The following PCDHGA2 variants were observed in gnomAD, a reference collection of about 807,000 sequenced individuals.
PCDHGA2 encodes protocadherin gamma subfamily A, 2, also known as protocadherin gamma-A2.
PCDHGA2 carries 40 observed loss-of-function variants against 59.2 expected under a neutral mutation model. The observed-to-expected ratio is 0.68, with a 90% CI of 0.52 to 0.88. The LOEUF is 0.88. PCDHGA2 is among the 40% of genes least tolerant of loss of function. The pLI is 0.00. For missense variants in PCDHGA2, 1,226 were observed against 1,204.0 expected (o/e 1.02, Z -0.27); for synonymous variants, 560 against 526.0 (o/e 1.06, Z -0.89).
At chr5:141,345,323 G>C (rs769057975) in intron 1 of PCDHGA2, 3 of 1,613,902 alleles carry the variant, frequency 1.9e-6, no homozygotes, top group East Asian at 2.2e-5. Context: ...GGGGAAGCCC[G>C]CCACTGTCCA....
intron 2 of PCDHGA2, among the ~76,000 whole-genome samples, chr5:141,503,010 A>ATT (rs199924715): frequency 4.8e-5 from 7 of 146,772 alleles, no homozygotes; most frequent in East Asian, 2.0e-4. Context: ...TGCCCGGTTA[A>ATT]TTTTTTTTTT....
chr5:141,341,598 T>C (rs1757071765), intron 1 of PCDHGA2: 2 of 1,055,482 alleles, frequency 1.9e-6, no homozygotes, highest in East Asian at 5.2e-5. Context: ...CTTTGTGCAA[T>C]GAATGTAAAC....
intron 1 of PCDHGA2, chr5:141,478,305 C>A (rs775282798): frequency 1.2e-6 from 2 of 1,613,974 alleles, no homozygotes; most frequent in Non-Finnish European, 8.5e-7. Flanking sequence ...TACCGAGCCC[C>A]GGTGAGCTCA....
chr5:141,365,784 C>T, intron 1 of PCDHGA2: 2 of 1,613,912 alleles, frequency 1.2e-6, no homozygotes, highest in Non-Finnish European at 1.7e-6. Context: ...GGCGACAACG[C>T]TCGAGTCACC....
intron 1 of PCDHGA2, chr5:141,423,108 GC>G: frequency 1.2e-6 from 2 of 1,613,864 alleles, no homozygotes; most frequent in African/African-American, 2.7e-5. Flanking sequence ...CGGGCGAGGT[GC>G]GTACAGCGCG....
Position 141,487,418 on chromosome 5 carries a change from A to T in PCDHGA2, c.2425-7389A>T. ...GGAGGGGCTTCCCCCTTCCAATGGG[A>T]TCCTCCGAATCCAGCTAGGGTCAGA... On this transcript the variant is annotated intron_variant, in intron 1 of 3. Transcript: ENST00000394576. The surrounding 1 kb of genome is among the most constrained non-coding windows in gnomAD (Gnocchi z 5.0). The T allele has an allele frequency of 6.2e-7, 1 of 1,614,060 alleles. No homozygotes were observed. The highest frequency in any genetic ancestry group is 8.5e-7 in the Non-Finnish European group (1 of 1,179,998).
chr5:141,486,416 C>T lies in PCDHGA2; in HGVS notation c.2425-8391C>T, dbSNP rs2154580601. The T allele has an allele frequency of 6.2e-7, 1 of 1,614,152 alleles. No individual in the cohort carries two copies. The highest frequency in any genetic ancestry group is 8.5e-7 in the Non-Finnish European group (1 of 1,180,016). On this transcript the variant is annotated intron_variant, in intron 1 of 3. Coordinates refer to ENST00000394576, the MANE Select transcript of PCDHGA2 (RefSeq NM_018915.4). This position sits in a 1 kb window ranked among gnomAD's most constrained non-coding sequence, Gnocchi z 5.0. ...CCTGGTGACTGCTGGACCCTTGGAT[C>T]GAGAGGCCAAATCTAGCTATGACAT...
intron 1 of PCDHGA2, chr5:141,410,320 C>A (rs752279818): frequency 6.2e-7 from 1 of 1,613,998 alleles, no homozygotes; most frequent in Non-Finnish European, 8.5e-7. Context: ...TCCTCCTCGC[C>A]GTGATTCTGG....
rs1485167379 is a variant in PCDHGA2, at chr5:141,485,881, C to T, written c.2425-8926C>T. 5.0e-6 allele frequency: 8 copies of T among 1,613,984 alleles called. No homozygotes were observed. Among genetic ancestry groups the T allele is most frequent in the East Asian group, 2.2e-5 (1 of 44,880 alleles). On this transcript the variant is annotated intron_variant, in intron 1 of 3. Transcript: ENST00000394576. The surrounding 1 kb of genome is among the most constrained non-coding windows in gnomAD (Gnocchi z 5.7). ...TCCGGGTATCCGTGCTGGACGTAAACGACAACGCCCCAGCCTTCCAGCAAT... is the reference window on the plus strand; with the variant it reads ...TCCGGGTATCCGTGCTGGACGTAAATGACAACGCCCCAGCCTTCCAGCAAT...
At chr5:141,348,006 G>A (rs536087157) in intron 1 of PCDHGA2, among the ~76,000 whole-genome samples, 65 of 152,256 alleles carry the variant, frequency 4.3e-4, no homozygotes, top group Admixed American at 3.5e-3. Context: ...CAGCCTCTGC[G>A]GGAGATTTCC....
At chr5:141,374,144 G>A in intron 1 of PCDHGA2, 1 of 1,610,858 alleles carries the variant, frequency 6.2e-7, no homozygotes, top group Admixed American at 1.7e-5. Flanking sequence ...CACGCTCCTG[G>A]GGACGCTGTG....
rs763792447 is a variant in PCDHGA2, at chr5:141,362,267, T to C, written c.2424+20872T>C. On this transcript the variant is annotated intron_variant, in intron 1 of 3. Coordinates refer to ENST00000394576, the MANE Select transcript of PCDHGA2 (RefSeq NM_018915.4). ...TTCTTCCTCGCGGTGATTCTGGCAA[T>C]CTCCCTGCGCCTGCGACTCTCTTCC... The C allele has an allele frequency of 4.3e-6, 7 of 1,613,980 alleles. No homozygotes were observed. The Admixed American group carries it at 1.2e-4, about 27-fold the overall frequency.
In PCDHGA2 at chr5:141,374,712, T is replaced by C. The variant is rs745500934; in HGVS notation, c.2424+33317T>C. The stretch of plus-strand genomic sequence containing the variant: ...CGGGAAGGAGAAGCCGTTTACCGCC[T>C]GGTCCTTACTGCCATGGATGGCGGC... On this transcript the variant is annotated intron_variant, in intron 1 of 3. Transcript: ENST00000394576. The C allele has an allele frequency of 6.2e-7, 1 of 1,609,662 alleles. No individual in the cohort carries two copies. The highest frequency in any genetic ancestry group is 8.5e-7 in the Non-Finnish European group (1 of 1,177,766).
intron 1 of PCDHGA2, chr5:141,343,279 A>G: frequency 2.1e-6 from 2 of 966,306 alleles, no homozygotes; most frequent in Non-Finnish European, 2.5e-6. Context: ...GAACAAACTT[A>G]AAGAAATATA....
chr5:141,404,772 G>T, intron 1 of PCDHGA2: 2 of 1,613,820 alleles, frequency 1.2e-6, no homozygotes, highest in African/African-American at 1.3e-5. Flanking sequence ...CTCTCCTACC[G>T]CCTATTCAAG....
intron 1 of PCDHGA2, among the ~76,000 whole-genome samples, chr5:141,494,496 T>A (rs147870810): frequency 2.9e-3 from 442 of 152,264 alleles, no homozygotes; most frequent in Non-Finnish European, 4.9e-3. Flanking sequence ...ATGCCTTCAG[T>A]CCTTGAATTT....
intron 1 of PCDHGA2, chr5:141,361,783 G>A (rs375966726): frequency 7.7e-5 from 125 of 1,613,126 alleles, no homozygotes; most frequent in Admixed American, 3.0e-4. Flanking sequence ...GAGCCTGCGC[G>A]TGTTAGTGGG....
chr5:141,390,103 A>G (rs757288667), intron 1 of PCDHGA2: 2 of 1,613,996 alleles, frequency 1.2e-6, no homozygotes, highest in South Asian at 1.1e-5. Flanking sequence ...GTTCCCCCCA[A>G]CTACAGCGAG....
intron 1 of PCDHGA2, chr5:141,371,783 G>C (rs1396118548): frequency 6.2e-7 from 1 of 1,613,986 alleles, no homozygotes. Context: ...ATGTAGCTGA[G>C]AACAATCCGC....
Sources: allele counts gnomAD v4.1 joint callset (sites outside exome capture counted in the v4.1 genomes callset), GRCh38; gene constraint gnomAD v4.1.1; non-coding constraint Gnocchi (gnomAD v3.1); transcripts MANE v1.5; gene names NCBI Gene and HGNC (gene_info 2026-07-23, HGNC 2026-07-21).